Variants in FARS2 observed in about 807,000 individuals in gnomAD.
FARS2 encodes the protein phenylalanine--tRNA ligase, mitochondrial.
In FARS2, 40 loss-of-function variants were observed where a neutral mutation model predicts 46.4. That is an observed-to-expected ratio of 0.86 (90% CI 0.67 to 1.12). FARS2 has a LOEUF of 1.12. Among genes scored for constraint, FARS2 ranks in the 50% most tolerant of loss-of-function variants. The pLI is 0.00. For missense variants in FARS2, 513 were observed against 567.9 expected (o/e 0.90, Z 0.98); for synonymous variants, 234 against 214.9 (o/e 1.09, Z -0.78).
At chr6:5,428,854 C>CT (rs56783814) in intron 3 of FARS2, among the ~76,000 whole-genome samples, 1 of 151,958 alleles carries the variant, frequency 6.6e-6, no homozygotes, top group African/African-American at 2.4e-5. Flanking sequence ...ACAAGACCAG[C>CT]TTTTTTTTCC....
At chr6:5,698,146 T>C (rs1191585171) in intron 6 of FARS2, among the ~76,000 whole-genome samples, 3 of 152,220 alleles carry the variant, frequency 2.0e-5, no homozygotes, top group Non-Finnish European at 4.4e-5. Context: ...CTTGCACTGC[T>C]ATAAAGAAAT....
intron 4 of FARS2, among the ~76,000 whole-genome samples, chr6:5,477,847 C>T (rs942814812): frequency 5.9e-5 from 9 of 151,804 alleles, no homozygotes; most frequent in African/African-American, 1.7e-4. Context: ...AGTGAGACCT[C>T]ATCTCTACAA....
At chr6:5,601,348 C>A (rs1006898645) in intron 5 of FARS2, among the ~76,000 whole-genome samples, 1 of 151,684 alleles carries the variant, frequency 6.6e-6, no homozygotes, top group Admixed American at 6.6e-5. Flanking sequence ...ATGGAGAAAC[C>A]CTGTCTCTAC....
chr6:5,734,466 G>A (rs576634582), intron 6 of FARS2, among the ~76,000 whole-genome samples: 4 of 152,278 alleles, frequency 2.6e-5, no homozygotes, highest in South Asian at 2.1e-4. Context: ...TGTGGGCACC[G>A]TTTCAACACA....
intron 6 of FARS2, among the ~76,000 whole-genome samples, chr6:5,770,297 A>G (rs1426533939): frequency 7.2e-5 from 11 of 152,208 alleles, no homozygotes; most frequent in Non-Finnish European, 1.0e-4. Context: ...GGCTAGGCTA[A>G]GGGCTGGTTG....
chr6:5,422,594 C>T (rs933681292), intron 3 of FARS2, among the ~76,000 whole-genome samples: 6 of 152,118 alleles, frequency 3.9e-5, no homozygotes, highest in South Asian at 2.1e-4. Context: ...AGATTAGATA[C>T]GTGAGCTGTT....
At chr6:5,306,166 G>C (rs6597126) in intron 1 of FARS2, among the ~76,000 whole-genome samples, 116,518 of 152,052 alleles carry the variant, frequency 0.77, 44,932 homozygotes, top group African/African-American at 0.84. Context: ...AAATCTAAAC[G>C]TCAGTATTGC....
chr6:5,757,692 C>A (rs576118706), intron 6 of FARS2, among the ~76,000 whole-genome samples: 167 of 152,284 alleles, frequency 1.1e-3, no homozygotes, highest in African/African-American at 3.9e-3. Flanking sequence ...AAATTGGAAT[C>A]CCACCTCTGT....
At chr6:5,496,889 G>T (rs1767503051) in intron 4 of FARS2, among the ~76,000 whole-genome samples, 1 of 151,768 alleles carries the variant, frequency 6.6e-6, no homozygotes, top group Admixed American at 6.6e-5. Context: ...TCACTATATT[G>T]CCTAGGCTGG....
intron 6 of FARS2, among the ~76,000 whole-genome samples, chr6:5,714,014 G>C (rs770874407): frequency 9.9e-5 from 15 of 152,184 alleles, no homozygotes; most frequent in Non-Finnish European, 2.1e-4. Context: ...AACTTGAAGG[G>C]GAGAAAATGC....
At chr6:5,703,306 C>G (rs1170885904) in intron 6 of FARS2, among the ~76,000 whole-genome samples, 3 of 152,116 alleles carry the variant, frequency 2.0e-5, no homozygotes, top group African/African-American at 7.2e-5. Flanking sequence ...TGCTTACTCT[C>G]CGCTGGGTGC....
At chr6:5,305,798 C>T (rs1768658455) in intron 1 of FARS2, among the ~76,000 whole-genome samples, 1 of 152,114 alleles carries the variant, frequency 6.6e-6, no homozygotes, top group African/African-American at 2.4e-5. Flanking sequence ...TCTTTGCTGT[C>T]TGACCATGCT....
intron 1 of FARS2, among the ~76,000 whole-genome samples, chr6:5,318,089 G>A (rs1349949066): frequency 2.0e-5 from 3 of 152,014 alleles, no homozygotes; most frequent in Non-Finnish European, 4.4e-5. Flanking sequence ...GGTTGGGCGC[G>A]GTGGCTCACT....
At chr6:5,535,429 A>G (rs1770133052) in intron 4 of FARS2, among the ~76,000 whole-genome samples, 1 of 152,208 alleles carries the variant, frequency 6.6e-6, no homozygotes, top group Non-Finnish European at 1.5e-5. Flanking sequence ...GGCTTTCTAC[A>G]TATAAAATTA....
chr6:5,429,890 C>G (rs80144596), intron 3 of FARS2, among the ~76,000 whole-genome samples: 2,118 of 151,034 alleles, frequency 0.014, 56 homozygotes, highest in African/African-American at 0.048. Context: ...GCACAGTGGC[C>G]CAGTCACCTG....
chr6:5,392,761 C>T (rs1245115636), intron 2 of FARS2, among the ~76,000 whole-genome samples: 5 of 80,186 alleles, frequency 6.2e-5, no homozygotes, highest in Non-Finnish European at 1.2e-4. Flanking sequence ...CACACACACA[C>T]ACACACACAT....
chr6:5,417,218 T>A (rs1762289630), intron 3 of FARS2, among the ~76,000 whole-genome samples: 1 of 152,134 alleles, frequency 6.6e-6, no homozygotes, highest in Non-Finnish European at 1.5e-5. Flanking sequence ...TTTTTTTACC[T>A]CTGTGTATTT....
At chr6:5,535,143 T>C (rs892664227) in intron 4 of FARS2, among the ~76,000 whole-genome samples, 1 of 152,246 alleles carries the variant, frequency 6.6e-6, no homozygotes, top group African/African-American at 2.4e-5. Context: ...TTTCATGAGC[T>C]TATTGGCCAT....
intron 1 of FARS2, among the ~76,000 whole-genome samples, chr6:5,338,131 C>A (rs1324668735): frequency 2.0e-5 from 3 of 151,988 alleles, no homozygotes; most frequent in African/African-American, 7.2e-5. Flanking sequence ...TTCACTGATT[C>A]AAAAGTAAAA....
Sources: gnomAD v4.1 joint callset for allele counts (sites outside exome capture counted in the v4.1 genomes callset) on GRCh38, gnomAD v4.1.1 for gene constraint, MANE v1.5 for transcripts, NCBI Gene and HGNC (gene_info 2026-07-23, HGNC 2026-07-21) for gene names.